AGBL4: variants seen among roughly 807,000 people sequenced by gnomAD.
AGBL4 encodes cytosolic carboxypeptidase 6.
Under a neutral mutation model 66.4 loss-of-function variants are expected in AGBL4, and 58 were observed. That is an observed-to-expected ratio of 0.87 (90% confidence interval 0.71 to 1.09). AGBL4 has a LOEUF of 1.09. Among genes scored for constraint, AGBL4 ranks in the 50% least tolerant of loss-of-function variants. AGBL4 has a pLI of 0.00. For missense variants in AGBL4, 579 were observed against 631.0 expected (o/e 0.92, Z 0.88); for synonymous variants, 234 against 222.9 (o/e 1.05, Z -0.44).
intron 7 of AGBL4, among the ~76,000 whole-genome samples, chr1:48,662,087 T>C (rs769105186): frequency 3.3e-5 from 5 of 152,224 alleles, no homozygotes; most frequent in Admixed American, 6.5e-5. Flanking sequence ...CGTGCCTAAC[T>C]AAAGCATTGT....
chr1:48,886,738 G>A (rs944425103), intron 5 of AGBL4, among the ~76,000 whole-genome samples: 1 of 151,998 alleles, frequency 6.6e-6, no homozygotes, highest in Admixed American at 6.6e-5. Flanking sequence ...ATTTTTAGTA[G>A]AGAGGAGTTT....
intron 1 of AGBL4, among the ~76,000 whole-genome samples, chr1:49,972,692 G>A (rs961861156): frequency 6.6e-6 from 1 of 152,086 alleles, no homozygotes; most frequent in African/African-American, 2.4e-5. Flanking sequence ...ACAGTTTATT[G>A]TTATAAGTGT....
At chr1:49,208,110 T>C (rs1013876713) in intron 4 of AGBL4, among the ~76,000 whole-genome samples, 1 of 152,088 alleles carries the variant, frequency 6.6e-6, no homozygotes, top group Non-Finnish European at 1.5e-5. Flanking sequence ...AACTATCATA[T>C]GCCTATGAGT....
chr1:49,195,845 G>A (rs752378809), intron 4 of AGBL4, among the ~76,000 whole-genome samples: 1 of 152,042 alleles, frequency 6.6e-6, no homozygotes, highest in Non-Finnish European at 1.5e-5. Context: ...TAATCTCCAC[G>A]ATCATCATGT....
chr1:49,606,304 C>T (rs1362069276), intron 3 of AGBL4, among the ~76,000 whole-genome samples: 1 of 152,064 alleles, frequency 6.6e-6, no homozygotes, highest in Non-Finnish European at 1.5e-5. Flanking sequence ...GTCAAGTCAT[C>T]CATAAGATAG....
intron 1 of AGBL4, among the ~76,000 whole-genome samples, chr1:49,939,298 A>C (rs1199469697): frequency 3.3e-5 from 5 of 151,142 alleles, no homozygotes; most frequent in Non-Finnish European, 5.9e-5. Flanking sequence ...TATAGATTCA[A>C]TGCCATCCCC....
chr1:49,286,925 A>T (rs1306173093), intron 3 of AGBL4, among the ~76,000 whole-genome samples: 5 of 152,146 alleles, frequency 3.3e-5, no homozygotes, highest in African/African-American at 1.2e-4. Context: ...AGCCAAAAGA[A>T]CAAAGCTGGA....
intron 4 of AGBL4, among the ~76,000 whole-genome samples, chr1:49,112,477 A>G (rs981237078): frequency 6.6e-6 from 1 of 152,208 alleles, no homozygotes; most frequent in Non-Finnish European, 1.5e-5. Context: ...ACTTTGCTGC[A>G]TCAATTGACT....
At chr1:49,594,793 T>A (rs1254154274) in intron 3 of AGBL4, among the ~76,000 whole-genome samples, 1 of 152,202 alleles carries the variant, frequency 6.6e-6, no homozygotes, top group Non-Finnish European at 1.5e-5. Flanking sequence ...TGGTTCCAAG[T>A]CTTTGCTATT....
intron 1 of AGBL4, among the ~76,000 whole-genome samples, chr1:49,945,798 A>T (rs146055241): frequency 2.3e-3 from 345 of 152,164 alleles, no homozygotes; most frequent in African/African-American, 7.9e-3. Flanking sequence ...ATCAACTAAC[A>T]ATCTGCTGCC....
intron 3 of AGBL4, among the ~76,000 whole-genome samples, chr1:49,273,709 C>G (rs918433760): frequency 2.6e-5 from 4 of 151,844 alleles, no homozygotes; most frequent in Non-Finnish European, 5.9e-5. Context: ...TGGAGTCTCT[C>G]TCTGTCACTC....
At chr1:48,922,089 GT>G (rs1298017517) in intron 5 of AGBL4, among the ~76,000 whole-genome samples, 2 of 152,098 alleles carry the variant, frequency 1.3e-5, no homozygotes, top group African/African-American at 4.8e-5. Flanking sequence ...AGCCCTTCTA[GT>G]TTAAGGAAGT....
At chr1:49,865,921 T>C (rs1443731461) in intron 1 of AGBL4, 2 of 409,674 alleles carry the variant, frequency 4.9e-6, no homozygotes, top group Admixed American at 2.6e-5. Context: ...ATAAATGACC[T>C]GAAGGAGCTG....
chr1:49,845,248 T>G (rs1646109468), intron 2 of AGBL4: 2 of 1,557,132 alleles, frequency 1.3e-6, no homozygotes, highest in South Asian at 2.2e-5. Flanking sequence ...ACCCTATAAA[T>G]GCACTCAGTG....
chr1:48,626,138 CTG>C (rs1645498765), intron 9 of AGBL4, among the ~76,000 whole-genome samples: 1 of 152,312 alleles, frequency 6.6e-6, no homozygotes, highest in Middle Eastern at 3.4e-3. Flanking sequence ...GAGTGGAAAA[CTG>C]TTTGAGCAGA....
chr1:49,088,943 A>G lies in AGBL4; in HGVS notation c.378-43143T>C, dbSNP rs546619373. 8.9e-4 allele frequency among the ~76,000 whole-genome samples: 136 copies of G among 152,112 alleles called. 1 individual carries two copies. The highest frequency in any genetic ancestry group is 3.0e-3 in the African/African-American group (123 of 41,522). ...CAATAAAAATAGAAATCAATACTAAAAAAGTTTCTCAAAACCATACAATTA... is the reference window on the plus strand; with the variant it reads ...CAATAAAAATAGAAATCAATACTAAGAAAGTTTCTCAAAACCATACAATTA... On this transcript the variant is annotated intron_variant, in intron 4 of 13. Transcript: ENST00000371839.
chr1:49,058,063 C>T (rs1271874992), intron 4 of AGBL4, among the ~76,000 whole-genome samples: 1 of 152,080 alleles, frequency 6.6e-6, no homozygotes, highest in Non-Finnish European at 1.5e-5. Context: ...AAGATTTTGC[C>T]CAATTTTCAC....
At chr1:49,472,278 C>A (rs562378641) in intron 3 of AGBL4, among the ~76,000 whole-genome samples, 1 of 152,018 alleles carries the variant, frequency 6.6e-6, no homozygotes, top group Admixed American at 6.6e-5. Context: ...TCAAGTTTTA[C>A]TAGGAAACCA....
At chr1:49,712,460 G>A (rs1647746269) in intron 2 of AGBL4, among the ~76,000 whole-genome samples, 1 of 151,834 alleles carries the variant, frequency 6.6e-6, no homozygotes, top group Non-Finnish European at 1.5e-5. Flanking sequence ...GGCAGGGAAT[G>A]AAGAATGGGG....
Sources: allele counts gnomAD v4.1 joint callset (sites outside exome capture counted in the v4.1 genomes callset), GRCh38; gene constraint gnomAD v4.1.1; transcripts MANE v1.5; gene names NCBI Gene and HGNC (gene_info 2026-07-23, HGNC 2026-07-21).